The following AMMECR1L variants were observed in gnomAD, a reference collection of about 807,000 sequenced individuals.
The protein encoded by AMMECR1L is AMMECR1-like protein.
AMMECR1L carries 4 observed loss-of-function variants against 36.8 expected under a neutral mutation model. The ratio of observed to expected loss-of-function variants is 0.11; its 90% CI spans 0.05 to 0.25. The LOEUF is 0.25. Ranked by LOEUF, AMMECR1L falls within the 10% of genes least tolerant of loss-of-function variation. The pLI, the probability that AMMECR1L is intolerant of heterozygous loss-of-function variation, is 1.00. For missense variants in AMMECR1L, 232 were observed against 392.1 expected, an observed-to-expected ratio of 0.59 and a Z score of 3.45; for synonymous variants, 147 against 148.0, an observed-to-expected ratio of 0.99 and a Z score of 0.05.
Position 127,869,926 on chromosome 2 carries a change from G to A in AMMECR1L, c.634-382C>T, listed in dbSNP as rs531239950. Among the ~76,000 whole-genome samples, 26 of 152,302 alleles carry A rather than the reference G, an allele frequency of 1.7e-4. No individual in the cohort carries two copies. The East Asian group carries it at 1.7e-3, about 10-fold the overall frequency. ...TAAAAACTTTTATTTGGCCAGGCGC[G>A]GTGGCTCATGCCTGTAATCCCAACA... On this transcript the variant is annotated intron_variant, in intron 5 of 7. Coordinates refer to ENST00000272647, the MANE Select transcript of AMMECR1L (RefSeq NM_001199140.2). The surrounding 1 kb of genome is among the most constrained non-coding windows in gnomAD (Gnocchi z 4.7).
In AMMECR1L at chr2:127,875,796, TC is replaced by T. The variant is rs1336386843; in HGVS notation, c.-38-1525del. On this transcript the variant is annotated intron_variant, in intron 2 of 7. Transcript: ENST00000272647. ...CCTCCCCTCTCCTCTTCTCTCTCTC[TC>T]TCTCTTTTTCTTTAAGAGACAGGTC... Among the ~76,000 whole-genome samples, 41 of 130,876 alleles carry T rather than the reference TC, an allele frequency of 3.1e-4. No homozygotes were observed. The East Asian group carries it at 8.0e-3, about 25-fold the overall frequency. 85.9% of individuals were successfully genotyped at this position (130,876 alleles called of 152,430 possible). A position where few individuals can be genotyped will look rare whatever the true frequency, so the allele number is the denominator to read the frequency against.
chr2:127,865,279 A>G lies in AMMECR1L; in HGVS notation c.822-74T>C. ...TTGTAAAGTCACTCAGCAGAGAAAAACCAAAAGCTTATTCCACATTTTGAA... is the reference window on the plus strand; with the variant it reads ...TTGTAAAGTCACTCAGCAGAGAAAAGCCAAAAGCTTATTCCACATTTTGAA... On this transcript the variant is annotated intron_variant, in intron 7 of 7. Coordinates refer to ENST00000272647, the MANE Select transcript of AMMECR1L (RefSeq NM_001199140.2). The surrounding 1 kb of genome is among the most constrained non-coding windows in gnomAD (Gnocchi z 5.4). 1.0e-6 allele frequency: 1 copy of G among 980,434 alleles called. No homozygotes were observed. The highest frequency in any genetic ancestry group is 1.5e-6 in the Non-Finnish European group (1 of 666,202). The allele number at this position is 980,434 out of a possible 1,614,324, so 60.7% of individuals were successfully genotyped here. A position where few individuals can be genotyped will look rare whatever the true frequency, so the allele number is the denominator to read the frequency against.
Position 127,874,442 on chromosome 2 carries a change from A to G in AMMECR1L, c.-38-170T>C, listed in dbSNP as rs565823838. On this transcript the variant is annotated intron_variant, in intron 2 of 7. Transcript: ENST00000272647. The surrounding 1 kb of genome is among the most constrained non-coding windows in gnomAD (Gnocchi z 5.2). ...AAGAAACCCCTAACCTTTTCCTAAA[A>G]GAGAATTTTTATTTTCCATAAAATT... Among the ~76,000 whole-genome samples the G allele has an allele frequency of 5.4e-4, 83 of 152,322 alleles. 1 individual carries two copies. Among genetic ancestry groups the G allele is most frequent in the Middle Eastern group, 3.4e-3 (1 of 294 alleles).
At chr2:127,880,705 A>T (rs535626490) in intron 2 of AMMECR1L, among the ~76,000 whole-genome samples, 6 of 151,864 alleles carry the variant, frequency 4.0e-5, no homozygotes, top group Non-Finnish European at 8.8e-5. Context: ...CATCACCCTG[A>T]GCCTGAGAGG....
chr2:127,882,620 G>T (rs1258753160), intron 2 of AMMECR1L, among the ~76,000 whole-genome samples: 2 of 151,944 alleles, frequency 1.3e-5, no homozygotes, highest in East Asian at 3.9e-4. Context: ...TGGAGACAGG[G>T]TCTCCGTCTG....
chr2:127,885,301 G>A (rs1573573301), intron 1 of AMMECR1L: 1 of 984,920 alleles, frequency 1.0e-6, no homozygotes, highest in Non-Finnish European at 1.2e-6. Context: ...GAGAAACGAG[G>A]GTATGAGGAA....
chr2:127,871,981 G>A lies in AMMECR1L; in HGVS notation c.408-622C>T, dbSNP rs1427678850. ...AGGTGGGCGGATCACTTGAGGTAAG[G>A]AGTTCTAGACCAGCCTGGTCATCAT... On this transcript the variant is annotated intron_variant, in intron 3 of 7. Coordinates refer to ENST00000272647, the MANE Select transcript of AMMECR1L (RefSeq NM_001199140.2). This position sits in a 1 kb window ranked among gnomAD's most constrained non-coding sequence, Gnocchi z 4.3. 6.6e-6 allele frequency among the ~76,000 whole-genome samples: 1 copy of A among 152,114 alleles called. No individual in the cohort carries two copies. Among genetic ancestry groups the A allele is most frequent in the Admixed American group, 6.5e-5 (1 of 15,268 alleles).
In AMMECR1L at chr2:127,874,263, C is replaced by T. The variant is rs200409725; in HGVS notation, c.-29G>A. ...GATTCAGTGCTCAAGGTCTGGAATG[C>T]TGCAGAACCCTAACCAAAATGAGAA... On this transcript the variant is annotated 5_prime_UTR_variant, in exon 3 of 8. Coordinates refer to ENST00000272647, the MANE Select transcript of AMMECR1L (RefSeq NM_001199140.2). This position sits in a 1 kb window ranked among gnomAD's most constrained non-coding sequence, Gnocchi z 5.2. 38 of 1,600,920 alleles carry T rather than the reference C, an allele frequency of 2.4e-5. No individual in the cohort carries two copies. In the Admixed American group the frequency reaches 4.2e-4, roughly 18 times the overall value.
At position 127,873,198 on chromosome 2, in the gene AMMECR1L, G is replaced by A. The variant is rs11692058; in HGVS notation, c.407+630C>T. 281,584 of 985,296 alleles carry A rather than the reference G, an allele frequency of 0.29. 42,655 individuals are homozygous for A. Among genetic ancestry groups the A allele is most frequent in the South Asian group, 0.48 (10,193 of 21,292 alleles). The allele number at this position is 985,296 out of a possible 1,614,324, so 61.0% of individuals were successfully genotyped here. On this transcript the variant is annotated intron_variant, in intron 3 of 7. Coordinates refer to ENST00000272647, the MANE Select transcript of AMMECR1L (RefSeq NM_001199140.2). The surrounding 1 kb of genome is among the most constrained non-coding windows in gnomAD (Gnocchi z 5.2). Reference sequence around the variant, plus strand: ...AGCGGCTTCCAATTCTGAGGAAGAAGAAAATGCTAGCATGGAATTCTTCAG... The same window carrying A: ...AGCGGCTTCCAATTCTGAGGAAGAAAAAAATGCTAGCATGGAATTCTTCAG...
At chr2:127,870,189 A>G (rs1231779442) in intron 5 of AMMECR1L, among the ~76,000 whole-genome samples, 2 of 151,812 alleles carry the variant, frequency 1.3e-5, no homozygotes, top group African/African-American at 4.8e-5. Flanking sequence ...GTGGCACGCG[A>G]CTGTAGTCCC....
At position 127,862,047 on chromosome 2, in the gene AMMECR1L, G is replaced by T. The variant is rs550364144; in HGVS notation, c.*3047C>A. The T allele has an allele frequency of 2.9e-4, 45 of 152,700 alleles. No individual in the cohort carries two copies. The highest frequency in any genetic ancestry group is 5.9e-4 in the Admixed American group (9 of 15,286). 9.5% of individuals were successfully genotyped at this position (152,700 alleles called of 1,614,324 possible). The stretch of plus-strand genomic sequence containing the variant: ...TGTTTTATTATTATGAAGCAAAAAA[G>T]TTTTAAGAATCTCACAGTGGAAATA... On this transcript the variant is annotated 3_prime_UTR_variant, in exon 8 of 8. Coordinates refer to ENST00000272647, the MANE Select transcript of AMMECR1L (RefSeq NM_001199140.2).
intron 6 of AMMECR1L, 118 bp from the exon 7 acceptor site, chr2:127,867,114 G>C: frequency 6.6e-7 from 1 of 1,523,666 alleles, no homozygotes; most frequent in South Asian, 1.2e-5. Context: ...TGCTAAGGCA[G>C]AGGAAGCCCT....
chr2:127,874,122 G>A lies in AMMECR1L; in HGVS notation c.113C>T (p.Ser38Phe). 6.2e-7 allele frequency: 1 copy of A among 1,614,202 alleles called. No individual in the cohort carries two copies. Among genetic ancestry groups the A allele is most frequent in the Non-Finnish European group, 8.5e-7 (1 of 1,180,038 alleles). Reference protein sequence around the residue: ...GSGTHSHGNQSTTVPGSSSGP... With the variant: ...GSGTHSHGNQFTTVPGSSSGP... ...TGAACTAGAGCCGGGGACAGTTGTGGACTGATTCCCGTGACTGTGCGTTCC... is the reference window on the plus strand; with the variant it reads ...TGAACTAGAGCCGGGGACAGTTGTGAACTGATTCCCGTGACTGTGCGTTCC... Residue 38 changes from serine to phenylalanine, a missense_variant, in exon 3 of 8, where the codon TCC becomes TTC. Coordinates refer to ENST00000272647, the MANE Select transcript of AMMECR1L (RefSeq NM_001199140.2). This position sits in a 1 kb window ranked among gnomAD's most constrained non-coding sequence, Gnocchi z 5.2.
At chr2:127,878,104 T>TA (rs1304190602) in intron 2 of AMMECR1L, among the ~76,000 whole-genome samples, 1 of 152,096 alleles carries the variant, frequency 6.6e-6, no homozygotes, top group Non-Finnish European at 1.5e-5. Flanking sequence ...TAGGGTATGT[T>TA]AAGAACTAAT....
At chr2:127,875,994 T>C (rs1691221720) in intron 2 of AMMECR1L, among the ~76,000 whole-genome samples, 1 of 152,088 alleles carries the variant, frequency 6.6e-6, no homozygotes, top group Non-Finnish European at 1.5e-5. Context: ...GGTCTCACTA[T>C]GTTGTCCAGG....
rs1691125907 is a variant in AMMECR1L at position 127,874,294 on chromosome 2, G to T, written c.-38-22C>A. On this transcript the variant is annotated intron_variant, in intron 2 of 7. Transcript: ENST00000272647. This position sits in a 1 kb window ranked among gnomAD's most constrained non-coding sequence, Gnocchi z 5.2. ...AACCCTAACCAAAATGAGAAGTTAA[G>T]CATTAATTTGACTGGTTAGTTAAAA... The T allele has an allele frequency of 6.3e-7, 1 of 1,579,284 alleles. No individual in the cohort carries two copies. The highest frequency in any genetic ancestry group is 8.6e-7 in the Non-Finnish European group (1 of 1,168,156).
chr2:127,876,948 T>C (rs1288734445), intron 2 of AMMECR1L, among the ~76,000 whole-genome samples: 1 of 151,114 alleles, frequency 6.6e-6, no homozygotes, highest in African/African-American at 2.4e-5. Context: ...ACTCTGGAGG[T>C]GGAAGTTGCA....
chr2:127,873,665 T>C lies in AMMECR1L; in HGVS notation c.407+163A>G. ...TGCTCCCTTCCATTACTGAATCCAC[T>C]GAATGTTTTAAATATTCTCTGGACA... On this transcript the variant is annotated intron_variant, in intron 3 of 7. Transcript: ENST00000272647. This position sits in a 1 kb window ranked among gnomAD's most constrained non-coding sequence, Gnocchi z 5.2. 2 of 985,476 alleles carry C rather than the reference T, an allele frequency of 2.0e-6. No homozygotes were observed. Among genetic ancestry groups the C allele is most frequent in the Non-Finnish European group, 2.4e-6 (2 of 829,936 alleles). 61.0% of individuals were successfully genotyped at this position (985,476 alleles called of 1,614,324 possible).
chr2:127,871,449 G>T lies in AMMECR1L; in HGVS notation c.408-90C>A. ...TTTGGCTTTGTCCCTATTCATTTCT[G>T]TTATTGCCAAAAATCCCTGTTTTTG... On this transcript the variant is annotated intron_variant, in intron 3 of 7. Coordinates refer to ENST00000272647, the MANE Select transcript of AMMECR1L (RefSeq NM_001199140.2). This position sits in a 1 kb window ranked among gnomAD's most constrained non-coding sequence, Gnocchi z 4.3. 1.5e-6 allele frequency: 2 copies of T among 1,319,902 alleles called. No homozygotes were observed. Among genetic ancestry groups the T allele is most frequent in the Non-Finnish European group, 2.1e-6 (2 of 955,530 alleles). 81.8% of individuals were successfully genotyped at this position (1,319,902 alleles called of 1,614,324 possible).
Sources: gnomAD v4.1 joint callset for allele counts (sites outside exome capture counted in the v4.1 genomes callset) on GRCh38, gnomAD v4.1.1 for gene constraint, Gnocchi (gnomAD v3.1) non-coding constraint, MANE v1.5 for transcripts, NCBI Gene and HGNC (gene_info 2026-07-23, HGNC 2026-07-21) for gene names.